The following TTC27 variants were observed in gnomAD, a reference collection of about 807,000 sequenced individuals.
TTC27 encodes tetratricopeptide repeat domain 27.
Under a neutral mutation model 115.9 loss-of-function variants are expected in TTC27, and 79 were observed. The observed-to-expected ratio is 0.68, with a 90% CI of 0.57 to 0.82. TTC27 has a LOEUF of 0.82. Ranked by LOEUF, TTC27 falls within the 40% of genes least tolerant of loss-of-function variation. TTC27 has a pLI of 0.00. For synonymous variants in TTC27, 401 were observed against 356.0 expected (o/e 1.13, Z -1.42); for missense variants, 1,054 against 993.1 (o/e 1.06, Z -0.82).
intron 10 of TTC27, among the ~76,000 whole-genome samples, chr2:32,728,989 CT>C (rs1315809018): frequency 1.3e-5 from 1 of 77,842 alleles, no homozygotes; most frequent in Non-Finnish European, 2.8e-5. Context: ...TAAATTCCAT[CT>C]TCCTATACAC....
chr2:32,773,585 A>T (rs1005880689), intron 13 of TTC27, among the ~76,000 whole-genome samples: 1 of 152,022 alleles, frequency 6.6e-6, no homozygotes, highest in African/African-American at 2.4e-5. Flanking sequence ...ACTGTGTCGA[A>T]CCTCTCCTCT....
chr2:32,704,598 A>G (rs547441535), intron 10 of TTC27, among the ~76,000 whole-genome samples: 11 of 152,250 alleles, frequency 7.2e-5, no homozygotes, highest in East Asian at 1.9e-4. Flanking sequence ...GGCTTTATCA[A>G]CTTGTCCTCA....
intron 12 of TTC27, among the ~76,000 whole-genome samples, chr2:32,749,596 G>T (rs1397496874): frequency 6.6e-6 from 1 of 152,176 alleles, no homozygotes; most frequent in East Asian, 1.9e-4. Flanking sequence ...CAGTTTTCTG[G>T]TTATTTTGTA....
intron 3 of TTC27, among the ~76,000 whole-genome samples, chr2:32,635,563 A>C (rs1664388172): frequency 6.6e-6 from 1 of 152,160 alleles, no homozygotes; most frequent in South Asian, 2.1e-4. Flanking sequence ...GCACGCTTGT[A>C]ATCCCAGCTA....
chr2:32,713,098 G>T (rs745907770), intron 10 of TTC27, among the ~76,000 whole-genome samples: 5 of 152,024 alleles, frequency 3.3e-5, no homozygotes, highest in Admixed American at 6.6e-5. Context: ...TCTCCCTCTT[G>T]TGCCTCTGCC....
intron 10 of TTC27, among the ~76,000 whole-genome samples, chr2:32,708,999 A>AG (rs920865543): frequency 1.3e-5 from 2 of 152,144 alleles, no homozygotes; most frequent in Admixed American, 6.5e-5. Context: ...GTGACTGCAT[A>AG]GGGGGGTTGG....
chr2:32,628,772 TA>T (rs1291885654), intron 1 of TTC27, among the ~76,000 whole-genome samples: 59 of 143,960 alleles, frequency 4.1e-4, no homozygotes, highest in African/African-American at 1.3e-3. Context: ...TTTATTTATT[TA>T]TTTATTGAGA....
At chr2:32,757,285 G>A (rs940178425) in intron 12 of TTC27, among the ~76,000 whole-genome samples, 6 of 152,112 alleles carry the variant, frequency 3.9e-5, no homozygotes, top group Admixed American at 6.5e-5. Flanking sequence ...TGAATGAAAG[G>A]TACTGCTCTA....
chr2:32,765,219 A>G (rs1485417794), intron 13 of TTC27, among the ~76,000 whole-genome samples: 1 of 152,222 alleles, frequency 6.6e-6, no homozygotes, highest in African/African-American at 2.4e-5. Context: ...TTGAAAGTCT[A>G]GATTACTCCT....
chr2:32,702,001 A>G (rs1667199377), intron 9 of TTC27, among the ~76,000 whole-genome samples: 1 of 129,340 alleles, frequency 7.7e-6, no homozygotes, highest in South Asian at 2.9e-4. Context: ...ACAGAGTGAG[A>G]TCCTGTCTCA....
chr2:32,664,588 C>G, intron 6 of TTC27, 121 bp downstream of exon 6: 2 of 809,562 alleles, frequency 2.5e-6, no homozygotes, highest in Non-Finnish European at 3.7e-6. Context: ...CAAAAGTAGA[C>G]TTTAAAGGTT....
intron 10 of TTC27, among the ~76,000 whole-genome samples, chr2:32,721,760 C>T (rs1438118779): frequency 6.6e-6 from 1 of 151,834 alleles, no homozygotes; most frequent in Non-Finnish European, 1.5e-5. Flanking sequence ...CCTTTGCCTC[C>T]CAAGTAGTTG....
chr2:32,797,017 T>A (rs1670725046), intron 16 of TTC27, among the ~76,000 whole-genome samples: 1 of 151,518 alleles, frequency 6.6e-6, no homozygotes, highest in Non-Finnish European at 1.5e-5. Context: ...TACAAAAAAA[T>A]ACAAAAATTA....
chr2:32,691,545 C>G (rs1666810628), intron 9 of TTC27, among the ~76,000 whole-genome samples: 1 of 152,014 alleles, frequency 6.6e-6, no homozygotes, highest in African/African-American at 2.4e-5. Context: ...GTGATCAGTC[C>G]ACCTCAGCCT....
chr2:32,636,972 CA>C (rs1238586542), intron 3 of TTC27, among the ~76,000 whole-genome samples: 1 of 152,162 alleles, frequency 6.6e-6, no homozygotes, highest in Non-Finnish European at 1.5e-5. Context: ...CCTCTTTTAG[CA>C]GTGAAAAATC....
At chr2:32,650,276 T>G (rs200839051) in intron 5 of TTC27, 43 bp downstream of exon 5, 2 of 1,460,722 alleles carry the variant, frequency 1.4e-6, no homozygotes, top group Non-Finnish European at 1.9e-6. Flanking sequence ...GTAGCTCAGT[T>G]CTAATTACTT....
chr2:32,666,775 A>G lies in TTC27; in HGVS notation c.939+7A>G, dbSNP rs771765497. On this transcript the variant is annotated splice_region_variant and intron_variant, in intron 7 of 19. Coordinates refer to ENST00000317907, the MANE Select transcript of TTC27 (RefSeq NM_017735.5). Reference sequence around the variant, plus strand: ...TCAGGAACATTTAACCAAGGCAAGTAGGACATTAAGTTATTAAATTCAATT... The same window carrying G: ...TCAGGAACATTTAACCAAGGCAAGTGGGACATTAAGTTATTAAATTCAATT... 1.8e-5 allele frequency: 29 copies of G among 1,610,842 alleles called. No individual in the cohort carries two copies. The highest frequency in any genetic ancestry group is 2.3e-5 in the Non-Finnish European group (27 of 1,178,608).
chr2:32,655,069 A>G (rs2151872939), intron 5 of TTC27, among the ~76,000 whole-genome samples: 1 of 151,072 alleles, frequency 6.6e-6, no homozygotes, highest in South Asian at 2.1e-4. Context: ...GCTCAACTCA[A>G]CCTCTGCCTC....
chr2:32,665,406 T>A (rs1157151126), intron 6 of TTC27, among the ~76,000 whole-genome samples: 1 of 152,198 alleles, frequency 6.6e-6, no homozygotes, highest in South Asian at 2.1e-4. Flanking sequence ...AGTTATGTTT[T>A]TAAATATTTT....
Sources: allele counts gnomAD v4.1 joint callset (sites outside exome capture counted in the v4.1 genomes callset), GRCh38; gene constraint gnomAD v4.1.1; transcripts MANE v1.5; gene names NCBI Gene and HGNC (gene_info 2026-07-23, HGNC 2026-07-21).